TSPAN15: variants seen among roughly 807,000 people sequenced by gnomAD.
TSPAN15 encodes tetraspanin-15.
TSPAN15 carries 20 observed loss-of-function variants against 34.5 expected under a neutral mutation model. The observed-to-expected ratio is 0.58, with a 90% confidence interval of 0.41 to 0.84. TSPAN15 has a LOEUF of 0.84. Among genes scored for constraint, TSPAN15 ranks in the 40% least tolerant of loss-of-function variants. The pLI is 0.00. For synonymous variants in TSPAN15, 155 were observed against 153.9 expected (o/e 1.01, Z -0.05); for missense variants, 313 against 386.1 (o/e 0.81, Z 1.59).
the TSPAN15 span, among the ~76,000 whole-genome samples, chr10:69,538,431 G>T: frequency 2.0e-5 from 3 of 152,174 alleles, no homozygotes; most frequent in African/African-American, 7.2e-5. Context: ...GATATTGAGT[G>T]GTTTTAGGCC....
chr10:69,475,137 A>G (rs2133095574), intron 1 of TSPAN15, among the ~76,000 whole-genome samples: 1 of 152,110 alleles, frequency 6.6e-6, no homozygotes, highest in African/African-American at 2.4e-5. Flanking sequence ...CAGGGGGAGG[A>G]GGGTGTTGGG....
At chr10:69,498,189 C>T in intron 4 of TSPAN15, 91 bp from the exon 5 acceptor site, 1 of 1,144,434 alleles carries the variant, frequency 8.7e-7, no homozygotes, top group South Asian at 1.3e-5. Flanking sequence ...ACATAATAAA[C>T]TGCCTCCGTC....
At chr10:69,491,032 C>A (rs1455873125) in intron 3 of TSPAN15, among the ~76,000 whole-genome samples, 1 of 152,214 alleles carries the variant, frequency 6.6e-6, no homozygotes, top group Non-Finnish European at 1.5e-5. Flanking sequence ...CTGTGGAAAG[C>A]TGTCAGGGAG....
At chr10:69,500,224 C>T (rs1390164963) in intron 5 of TSPAN15, among the ~76,000 whole-genome samples, 2 of 152,162 alleles carry the variant, frequency 1.3e-5, no homozygotes, top group Non-Finnish European at 2.9e-5. Context: ...AGTGATGCAG[C>T]CTCAGCTCAG....
intron 1 of TSPAN15, among the ~76,000 whole-genome samples, chr10:69,462,767 A>C (rs1448121618): frequency 6.6e-6 from 1 of 152,246 alleles, no homozygotes; most frequent in Non-Finnish European, 1.5e-5. Flanking sequence ...CTGCAGGTGA[A>C]TCCTGAGTAA....
Position 69,507,444 on chromosome 10 carries a change from G to GT in TSPAN15, c.*468dup. 7.7e-7 allele frequency: 1 copy of GT among 1,294,946 alleles called. No homozygotes were observed. The highest frequency in any genetic ancestry group is 1.0e-6 in the Non-Finnish European group (1 of 986,528). The allele number at this position is 1,294,946 out of a possible 1,614,324, so 80.2% of individuals were successfully genotyped here. Reference sequence around the variant, plus strand: ...TCCATGCAGCCACGCCCATGGCCAGGTTGGCCTCTTCTCAGCCTCCCAGGT... The same window carrying GT: ...TCCATGCAGCCACGCCCATGGCCAGGTTTGGCCTCTTCTCAGCCTCCCAGGT... On this transcript the variant is annotated 3_prime_UTR_variant, in exon 8 of 8. Coordinates refer to ENST00000373290, the MANE Select transcript of TSPAN15 (RefSeq NM_012339.5).
chr10:69,466,390 T>C (rs1841385412), intron 1 of TSPAN15, among the ~76,000 whole-genome samples: 1 of 152,168 alleles, frequency 6.6e-6, no homozygotes, highest in Admixed American at 6.5e-5. Flanking sequence ...ATCCCCCCGC[T>C]GATTCCTGGT....
chr10:69,507,045 G>A lies in TSPAN15; in HGVS notation c.*67G>A, dbSNP rs1842345773. The A allele has an allele frequency of 2.6e-6, 4 of 1,561,072 alleles. No individual in the cohort carries two copies. Among genetic ancestry groups the A allele is most frequent in the Admixed American group, 2.0e-5 (1 of 50,774 alleles). On this transcript the variant is annotated 3_prime_UTR_variant, in exon 8 of 8. Transcript: ENST00000373290. ...ATAGCACCTCTCAGTCAACATCGTG[G>A]GGCTGGACAGGGCTGCGGCCCCTCT...
chr10:69,541,675 T>C, the TSPAN15 span, among the ~76,000 whole-genome samples: 1 of 152,280 alleles, frequency 6.6e-6, no homozygotes, highest in East Asian at 1.9e-4. Flanking sequence ...ATACATTGTC[T>C]GAAATTTAGG....
chr10:69,511,772 G>A (rs745331179), downstream of TSPAN15, among the ~76,000 whole-genome samples: 1 of 152,150 alleles, frequency 6.6e-6, no homozygotes, highest in South Asian at 2.1e-4. Context: ...GGTACGTTGT[G>A]TCTTTGTTCT....
In TSPAN15 at chr10:69,467,570, C is replaced by T. The variant is rs149560184; in HGVS notation, c.96+15880C>T. ...TTGAGGCTGCAGTGAGCTATGATCA[C>T]ACCACTGTAGTCCAGCCTGGGCAAT... On this transcript the variant is annotated intron_variant, in intron 1 of 7. Coordinates refer to ENST00000373290, the MANE Select transcript of TSPAN15 (RefSeq NM_012339.5). Among the ~76,000 whole-genome samples the T allele has an allele frequency of 4.9e-3, 743 of 152,076 alleles. 5 individuals carry two copies. The highest frequency in any genetic ancestry group is 0.017 in the African/African-American group (709 of 41,444).
chr10:69,466,208 C>T (rs1371091645), intron 1 of TSPAN15, among the ~76,000 whole-genome samples: 1 of 152,090 alleles, frequency 6.6e-6, no homozygotes, highest in African/African-American at 2.4e-5. Context: ...AGTCTTGTTC[C>T]TGATGAGGGA....
In TSPAN15 at chr10:69,451,509, A is replaced by C. The variant is rs1476608574; in HGVS notation, c.-86A>C. The C allele has an allele frequency of 7.8e-7, 1 of 1,276,524 alleles. No homozygotes were observed. Among genetic ancestry groups the C allele is most frequent in the African/African-American group, 1.5e-5 (1 of 64,624 alleles). 79.1% of individuals were successfully genotyped at this position (1,276,524 alleles called of 1,614,324 possible). A position where few individuals can be genotyped will look rare whatever the true frequency, so the allele number is the denominator to read the frequency against. On this transcript the variant is annotated 5_prime_UTR_variant, in exon 1 of 8. Transcript: ENST00000373290. ...CCGGTGGCGGGGCTGGTAGCCCGGC[A>C]GCCGCAGGTGGGGCCACGAGCGCTG...
the TSPAN15 span, among the ~76,000 whole-genome samples, chr10:69,515,710 G>A: frequency 9.9e-5 from 15 of 152,212 alleles, no homozygotes; most frequent in African/African-American, 3.6e-4. Flanking sequence ...CACAGCTCGT[G>A]ACCCCTTGGA....
chr10:69,534,818 T>TAA, the TSPAN15 span, among the ~76,000 whole-genome samples: 3,072 of 123,866 alleles, frequency 0.025, 103 homozygotes, highest in East Asian at 0.082. Context: ...CCCTGTATCT[T>TAA]AAAAAAAAAA....
At chr10:69,466,369 G>A (rs1414704446) in intron 1 of TSPAN15, among the ~76,000 whole-genome samples, 1 of 152,104 alleles carries the variant, frequency 6.6e-6, no homozygotes, top group East Asian at 1.9e-4. Flanking sequence ...AGGGGGTTGG[G>A]CCAGATCAGC....
intron 3 of TSPAN15, among the ~76,000 whole-genome samples, chr10:69,488,185 A>G (rs1375866232): frequency 6.6e-6 from 1 of 152,070 alleles, no homozygotes; most frequent in Non-Finnish European, 1.5e-5. Flanking sequence ...TTTTTTTATA[A>G]TCAAGGGGAA....
At position 69,451,780 on chromosome 10, in the gene TSPAN15, C is replaced by T. The variant is rs146635955; in HGVS notation, c.96+90C>T. The T allele has an allele frequency of 1.8e-4, 195 of 1,095,050 alleles. No homozygotes were observed. The African/African-American group carries it at 2.8e-3, about 15-fold the overall frequency. 67.8% of individuals were successfully genotyped at this position (1,095,050 alleles called of 1,614,324 possible). On this transcript the variant is annotated intron_variant, in intron 1 of 7. Coordinates refer to ENST00000373290, the MANE Select transcript of TSPAN15 (RefSeq NM_012339.5). Reference sequence around the variant, plus strand: ...GGCCCGGGGTTGGGTCCACACTTAGCCGCTCCAGGGAGTGCGCGGGTGAGC... The same window carrying T: ...GGCCCGGGGTTGGGTCCACACTTAGTCGCTCCAGGGAGTGCGCGGGTGAGC...
At chr10:69,508,952 G>A (rs917180544), downstream of TSPAN15, among the ~76,000 whole-genome samples, 6 of 152,196 alleles carry the variant, frequency 3.9e-5, no homozygotes, top group South Asian at 2.1e-4. Context: ...CACTGTAGCC[G>A]CTGCTGCAGC....
Sources: gnomAD v4.1 joint callset for allele counts (sites outside exome capture counted in the v4.1 genomes callset) on GRCh38, gnomAD v4.1.1 for gene constraint, MANE v1.5 for transcripts, NCBI Gene and HGNC (gene_info 2026-07-23, HGNC 2026-07-21) for gene names.